Variants in WDR33 observed in about 807,000 individuals in gnomAD.
WDR33 encodes WD repeat domain 33, also known as pre-mRNA 3' end processing protein WDR33.
In WDR33, 47 loss-of-function variants were observed where a neutral mutation model predicts 164.9. The ratio of observed to expected loss-of-function variants is 0.29; its 90% CI spans 0.23 to 0.36. WDR33 has a LOEUF of 0.36. Among genes scored for constraint, WDR33 ranks in the 10% least tolerant of loss-of-function variants. The probability of loss-of-function intolerance (pLI) is 1.00; values close to 1 mark genes in which losing one functional copy is unlikely to be tolerated. For missense variants in WDR33, 1,137 were observed against 1,754.1 expected, an observed-to-expected ratio of 0.65 and a Z score of 6.28; for synonymous variants, 505 against 589.0, an observed-to-expected ratio of 0.86 and a Z score of 2.06.
chr2:127,752,463 G>A (rs187250353), intron 7 of WDR33, among the ~76,000 whole-genome samples: 161 of 151,718 alleles, frequency 1.1e-3, no homozygotes, highest in African/African-American at 3.7e-3. Flanking sequence ...GGTGGCGGGC[G>A]CCTGTAGTCC....
At chr2:127,760,239 C>T (rs1287120352) in intron 7 of WDR33, among the ~76,000 whole-genome samples, 1 of 152,194 alleles carries the variant, frequency 6.6e-6, no homozygotes, top group Non-Finnish European at 1.5e-5. Flanking sequence ...TGATCACAAA[C>T]TCCCCTTAAA....
In WDR33 at chr2:127,733,493, G is replaced by A. The variant is rs145939109; in HGVS notation, c.725-6716C>T. On this transcript the variant is annotated intron_variant, in intron 7 of 21. Transcript: ENST00000322313. ...TAAAGAAAAAGACCATTATAAATCT[G>A]TGTGGAATTCCCTCTGAACACAAAT... 2.9e-3 allele frequency among the ~76,000 whole-genome samples: 436 copies of A among 152,310 alleles called. 2 individuals carry two copies. Among genetic ancestry groups the A allele is most frequent in the Admixed American group, 5.0e-3 (76 of 15,304 alleles).
chr2:127,767,522 G>GCT, intron 4 of WDR33, among the ~76,000 whole-genome samples: 1 of 152,034 alleles, frequency 6.6e-6, no homozygotes, highest in African/African-American at 2.4e-5. Context: ...GACTATCCTG[G>GCT]CTAACACGGT....
At chr2:127,734,469 T>C (rs1686790406) in intron 7 of WDR33, among the ~76,000 whole-genome samples, 1 of 152,216 alleles carries the variant, frequency 6.6e-6, no homozygotes, top group African/African-American at 2.4e-5. Context: ...TTTGTAATAA[T>C]TATTTGCAGA....
At chr2:127,743,363 C>A (rs1687081346) in intron 7 of WDR33, among the ~76,000 whole-genome samples, 1 of 152,132 alleles carries the variant, frequency 6.6e-6, no homozygotes, top group South Asian at 2.1e-4. Context: ...GCATGACAGA[C>A]TTAATACAAA....
intron 7 of WDR33, among the ~76,000 whole-genome samples, chr2:127,734,215 G>A (rs1417232627): frequency 6.6e-6 from 1 of 152,172 alleles, no homozygotes; most frequent in Non-Finnish European, 1.5e-5. Context: ...CGGAATGAAG[G>A]AATGTGACAA....
Position 127,764,373 on chromosome 2 carries a change from G to A in WDR33, c.626+455C>T. Reference sequence around the variant, plus strand: ...CCTATACTTTCCTTTGGAAGTCGTGGCATAACCAAGCCAACCAGGTCTTCA... The same window carrying A: ...CCTATACTTTCCTTTGGAAGTCGTGACATAACCAAGCCAACCAGGTCTTCA... On this transcript the variant is annotated intron_variant, in intron 6 of 21. Transcript: ENST00000322313. The surrounding 1 kb of genome is among the most constrained non-coding windows in gnomAD (Gnocchi z 6.2). 1 of 1,430,222 alleles carries A rather than the reference G, an allele frequency of 7.0e-7. No individual in the cohort carries two copies. Among genetic ancestry groups the A allele is most frequent in the South Asian group, 1.7e-5 (1 of 60,334 alleles). 88.6% of individuals were successfully genotyped at this position (1,430,222 alleles called of 1,614,324 possible). A position where few individuals can be genotyped will look rare whatever the true frequency, so the allele number is the denominator to read the frequency against.
chr2:127,803,820 T>C (rs1689337000), intron 1 of WDR33, among the ~76,000 whole-genome samples: 1 of 151,772 alleles, frequency 6.6e-6, no homozygotes, highest in South Asian at 2.1e-4. Context: ...TCAAATTAAC[T>C]GGGGTTAGTG....
intron 7 of WDR33, among the ~76,000 whole-genome samples, chr2:127,749,080 G>A (rs1687244486): frequency 1.3e-5 from 2 of 152,170 alleles, no homozygotes; most frequent in Non-Finnish European, 2.9e-5. Flanking sequence ...GCTCACGCCT[G>A]TAATCCAGTA....
intron 1 of WDR33, among the ~76,000 whole-genome samples, chr2:127,775,376 C>G (rs1380424636): frequency 1.3e-5 from 2 of 152,070 alleles, no homozygotes; most frequent in African/African-American, 4.8e-5. Context: ...TTTAATAGAG[C>G]CGGGGTTTTG....
Position 127,702,095 on chromosome 2 carries a change from C to A in WDR33, c.*4228G>T. 8.2e-7 allele frequency: 1 copy of A among 1,217,006 alleles called. No homozygotes were observed. The highest frequency in any genetic ancestry group is 4.4e-5 in the Admixed American group (1 of 22,758). 75.4% of individuals were successfully genotyped at this position (1,217,006 alleles called of 1,614,324 possible). A position where few individuals can be genotyped will look rare whatever the true frequency, so the allele number is the denominator to read the frequency against. ...TGGCCGCGCTGGTTGGGCTGCTGCCCTGGGGCGGCGGCACCGCGCTGCGCC... is the reference window on the plus strand; with the variant it reads ...TGGCCGCGCTGGTTGGGCTGCTGCCATGGGGCGGCGGCACCGCGCTGCGCC... On this transcript the variant is annotated 3_prime_UTR_variant, in exon 22 of 22. Coordinates refer to ENST00000322313, the MANE Select transcript of WDR33 (RefSeq NM_018383.5).
At chr2:127,774,027 C>T (rs113365584) in intron 1 of WDR33, among the ~76,000 whole-genome samples, 2 of 150,294 alleles carry the variant, frequency 1.3e-5, no homozygotes, top group African/African-American at 2.5e-5. Context: ...AGGCATGAGC[C>T]ACCACGCCCA....
At chr2:127,808,894 G>C (rs979791206) in intron 1 of WDR33, among the ~76,000 whole-genome samples, 2 of 152,114 alleles carry the variant, frequency 1.3e-5, no homozygotes, top group Non-Finnish European at 1.5e-5. Flanking sequence ...GCCGGACGCG[G>C]TGGCGGGCGC....
Position 127,720,320 on chromosome 2 carries a change from C to T in WDR33, c.1705G>A (p.Val569Ile), listed in dbSNP as rs754377831. Reference sequence around the variant, plus strand: ...GAGGGAGGAGGCTGAATTTGCTCAACTTGTTTCTGTGCAAGTCTTTCAATT... The same window carrying T: ...GAGGGAGGAGGCTGAATTTGCTCAATTTGTTTCTGTGCAAGTCTTTCAATT... ...LKIERLAQKQVEQIQPPPSSG... is the reference protein window; with the variant it reads ...LKIERLAQKQIEQIQPPPSSG... Residue 569 changes from valine to isoleucine, a missense_variant, in exon 16 of 22, where the codon GTT (valine) becomes ATT (isoleucine). Coordinates refer to ENST00000322313, the MANE Select transcript of WDR33 (RefSeq NM_018383.5). This position sits in a 1 kb window ranked among gnomAD's most constrained non-coding sequence, Gnocchi z 5.9. The T allele has an allele frequency of 1.3e-5, 19 of 1,511,806 alleles. No individual in the cohort carries two copies. In the South Asian group the frequency reaches 1.9e-4, roughly 15 times the overall value. The allele number at this position is 1,511,806 out of a possible 1,614,324, so 93.6% of individuals were successfully genotyped here.
chr2:127,802,749 AGG>A (rs1240069194), intron 1 of WDR33, among the ~76,000 whole-genome samples: 4 of 151,978 alleles, frequency 2.6e-5, no homozygotes, highest in Non-Finnish European at 5.9e-5. Flanking sequence ...GAGGCTGAGG[AGG>A]GAGGAACCGA....
Position 127,719,415 on chromosome 2 carries a change from T to C in WDR33, c.2610A>G (p.Gly870=), listed in dbSNP as rs201489706. ...SQQGPPQGSL[G]PPPQGGMQGP... ...CTTGCATGCCACCCTGGGGTGGAGG[T>C]CCTAAAGAGCCCTGGGGCGGCCCCT... Residue 870 remains glycine (G), a synonymous_variant, in exon 16 of 22, where the codon GGA becomes GGG. Coordinates refer to ENST00000322313, the MANE Select transcript of WDR33 (RefSeq NM_018383.5). The surrounding 1 kb of genome is among the most constrained non-coding windows in gnomAD (Gnocchi z 6.5). 8.1e-5 allele frequency: 124 copies of C among 1,538,602 alleles called. No individual in the cohort carries two copies. The East Asian group carries it at 2.7e-3, about 33-fold the overall frequency.
chr2:127,769,948 A>G (rs1252642649), intron 2 of WDR33, among the ~76,000 whole-genome samples: 1 of 152,186 alleles, frequency 6.6e-6, no homozygotes, highest in East Asian at 1.9e-4. Context: ...TTTACTTACT[A>G]TCTAAGTTGC....
intron 5 of WDR33, 68 bp from the exon 6 acceptor site, chr2:127,765,047 G>A: frequency 6.3e-7 from 1 of 1,578,800 alleles, no homozygotes; most frequent in Non-Finnish European, 8.6e-7. Flanking sequence ...AGGCTTACAA[G>A]AGCATATAAC....
At chr2:127,748,779 C>T (rs1687233752) in intron 7 of WDR33, among the ~76,000 whole-genome samples, 1 of 151,096 alleles carries the variant, frequency 6.6e-6, no homozygotes, top group Non-Finnish European at 1.5e-5. Context: ...GACAGGGTCT[C>T]ATTCTGTCAC....
Sources: gnomAD v4.1 joint callset for allele counts (sites outside exome capture counted in the v4.1 genomes callset) on GRCh38, gnomAD v4.1.1 for gene constraint, Gnocchi (gnomAD v3.1) non-coding constraint, MANE v1.5 for transcripts, NCBI Gene and HGNC (gene_info 2026-07-23, HGNC 2026-07-21) for gene names.